Variants in PLEKHG1 observed in about 807,000 individuals in gnomAD.
PLEKHG1 encodes pleckstrin homology and RhoGEF domain containing G1.
In PLEKHG1, 44 loss-of-function variants were observed where a neutral mutation model predicts 100.8. That is an observed-to-expected ratio of 0.44 (90% CI 0.34 to 0.56). PLEKHG1 has a LOEUF of 0.56. Among genes scored for constraint, PLEKHG1 ranks in the 20% least tolerant of loss-of-function variants. The pLI is 0.01. For synonymous variants in PLEKHG1, 640 were observed against 662.5 expected (o/e 0.97, Z 0.52); for missense variants, 1,545 against 1,720.9 (o/e 0.90, Z 1.81).
At chr6:150,732,499 C>T (rs1282392933) in intron 1 of PLEKHG1, among the ~76,000 whole-genome samples, 2 of 152,184 alleles carry the variant, frequency 1.3e-5, no homozygotes, top group Admixed American at 6.5e-5. Flanking sequence ...GACATGTTGT[C>T]GGGCAACTTC....
intron 7 of PLEKHG1, among the ~76,000 whole-genome samples, chr6:150,805,568 C>T (rs531828706): frequency 6.6e-6 from 1 of 152,088 alleles, no homozygotes; most frequent in African/African-American, 2.4e-5. Flanking sequence ...ACTCTTGTCG[C>T]CCAGGCTGGA....
chr6:150,610,561 A>G (rs1218780713), intron 1 of PLEKHG1, among the ~76,000 whole-genome samples: 1 of 152,260 alleles, frequency 6.6e-6, no homozygotes, highest in African/African-American at 2.4e-5. Context: ...AAAAATCACA[A>G]ATTAATTGAG....
At chr6:150,695,296 G>T (rs1042385026) in intron 3 of PLEKHG1, among the ~76,000 whole-genome samples, 1 of 152,102 alleles carries the variant, frequency 6.6e-6, no homozygotes, top group African/African-American at 2.4e-5. Context: ...TGGTAATTTT[G>T]AAAAACTTAA....
intron 2 of PLEKHG1, among the ~76,000 whole-genome samples, chr6:150,743,243 G>C (rs556008897): frequency 4.6e-5 from 7 of 152,318 alleles, no homozygotes; most frequent in Non-Finnish European, 1.0e-4. Context: ...GAAGAGGCTG[G>C]GTGTGGCGGC....
exon 2 of PLEKHG1, chr6:150,733,838 A>G (rs1782418362): frequency 6.2e-7 from 1 of 1,614,074 alleles, no homozygotes; most frequent in African/African-American, 1.3e-5. Context: ...AGGGGCCATA[A>G]AACTGGAGCT....
Position 150,702,469 on chromosome 6 carries a change from C to CAA in PLEKHG1, c.-98-31105_-98-31104dup, listed in dbSNP as rs11424911. On this transcript the variant is annotated intron_variant, in intron 3 of 3. Coordinates refer to the PLEKHG1 transcript ENST00000367326. ...AGGGTGACAGAGCAAGACTCCGTCT[C>CAA]AAAAAAAAAAAGTTCTGATGTATGG... is the stretch of plus-strand genomic sequence containing the variant. Among the ~76,000 whole-genome samples, 569 of 145,830 alleles carry CAA rather than the reference C, an allele frequency of 3.9e-3. 3 individuals are homozygous for CAA. Among genetic ancestry groups the CAA allele is most frequent in the African/African-American group, 0.013 (520 of 39,426 alleles).
intron 3 of PLEKHG1, among the ~76,000 whole-genome samples, chr6:150,705,477 G>T (rs1338387023): frequency 6.6e-6 from 1 of 152,184 alleles, no homozygotes; most frequent in Admixed American, 6.5e-5. Flanking sequence ...CTCAACCCTT[G>T]CCCCTCTCCA....
At chr6:150,651,218 A>G (rs1778717416) in intron 3 of PLEKHG1, 1 of 152,192 alleles carries the variant, frequency 6.6e-6, no homozygotes, top group Admixed American at 6.5e-5. Context: ...GAAATCACCT[A>G]TTAGAGGAGC....
At chr6:150,613,301 G>T (rs985130416) in intron 1 of PLEKHG1, among the ~76,000 whole-genome samples, 8 of 152,164 alleles carry the variant, frequency 5.3e-5, no homozygotes, top group Non-Finnish European at 7.3e-5. Flanking sequence ...CCTGCACCTT[G>T]CAAGTCAGAT....
intron 1 of PLEKHG1, among the ~76,000 whole-genome samples, chr6:150,612,841 C>T (rs1393863858): frequency 6.6e-6 from 1 of 152,190 alleles, no homozygotes; most frequent in Non-Finnish European, 1.5e-5. Context: ...TCCATGCTCC[C>T]TCTTGGTCCA....
intron 3 of PLEKHG1, among the ~76,000 whole-genome samples, chr6:150,773,255 T>C (rs1409574902): frequency 6.6e-6 from 1 of 152,184 alleles, no homozygotes; most frequent in Non-Finnish European, 1.5e-5. Flanking sequence ...TTCTCTCGGC[T>C]GGGTGCAGTG....
At chr6:150,633,785 T>A (rs146579624) in intron 1 of PLEKHG1, among the ~76,000 whole-genome samples, 1 of 152,236 alleles carries the variant, frequency 6.6e-6, no homozygotes, top group East Asian at 1.9e-4. Context: ...TTAGGAATGA[T>A]CCATTGTATC....
At chr6:150,759,582 T>A (rs752848000) in intron 2 of PLEKHG1, among the ~76,000 whole-genome samples, 1 of 152,302 alleles carries the variant, frequency 6.6e-6, no homozygotes, top group Non-Finnish European at 1.5e-5. Context: ...AGGGGAGTGA[T>A]GGAGCCTTTC....
chr6:150,601,276 G>T (rs1776348567), intron 1 of PLEKHG1, among the ~76,000 whole-genome samples: 1 of 152,150 alleles, frequency 6.6e-6, no homozygotes, highest in Non-Finnish European at 1.5e-5. Flanking sequence ...TGATTAAATT[G>T]CTGTTAAAAA....
chr6:150,813,028 G>A (rs976649929), intron 10 of PLEKHG1, among the ~76,000 whole-genome samples: 2 of 152,208 alleles, frequency 1.3e-5, no homozygotes, highest in African/African-American at 4.8e-5. Context: ...CTTGCTGGCC[G>A]GGCGCGGTGG....
At chr6:150,629,373 A>G (rs1777648974) in intron 1 of PLEKHG1, among the ~76,000 whole-genome samples, 1 of 152,240 alleles carries the variant, frequency 6.6e-6, no homozygotes, top group Non-Finnish European at 1.5e-5. Context: ...ACAAGGAACT[A>G]TTATATGCAA....
chr6:150,644,484 C>T (rs779946449), intron 2 of PLEKHG1, among the ~76,000 whole-genome samples: 3 of 151,346 alleles, frequency 2.0e-5, no homozygotes, highest in Non-Finnish European at 4.4e-5. Context: ...ACAGGCTACT[C>T]CCACACCCGG....
At chr6:150,740,718 C>G (rs1315951613) in intron 2 of PLEKHG1, among the ~76,000 whole-genome samples, 1 of 152,108 alleles carries the variant, frequency 6.6e-6, no homozygotes, top group African/African-American at 2.4e-5. Flanking sequence ...TTTTATGAGG[C>G]ATTTGAGCAC....
exon 16 of PLEKHG1, chr6:150,840,800 T>C (rs1312824623): frequency 6.2e-7 from 1 of 1,614,168 alleles, no homozygotes; most frequent in South Asian, 1.1e-5. Context: ...ACAAACTGAA[T>C]GACTATCTTT....
Sources: allele counts gnomAD v4.1 joint callset (sites outside exome capture counted in the v4.1 genomes callset), GRCh38; gene constraint gnomAD v4.1.1; transcripts MANE v1.5; gene names NCBI Gene and HGNC (gene_info 2026-07-23, HGNC 2026-07-21).